The following SAMMSON variants were observed in gnomAD, a reference collection of about 807,000 sequenced individuals.
The protein encoded by SAMMSON is survival associated mitochondrial melanoma specific oncogenic non-coding RNA, also known as long intergenic non-protein coding RNA 1212.
chr3:70,155,825 T>C (rs2067590040), intron 4 of SAMMSON, among the ~76,000 whole-genome samples: 1 of 152,090 alleles, frequency 6.6e-6, no homozygotes, highest in African/African-American at 2.4e-5. Flanking sequence ...AGAGAGAGCT[T>C]ATTGAGAAAT....
chr3:70,334,480 G>A (rs1273852548), intron 7 of SAMMSON, among the ~76,000 whole-genome samples: 3 of 151,692 alleles, frequency 2.0e-5, no homozygotes, highest in South Asian at 2.1e-4. Context: ...TCACTAGTAG[G>A]GATTTAAATG....
chr3:70,296,700 C>T (rs752526432), intron 7 of SAMMSON, among the ~76,000 whole-genome samples: 5 of 152,058 alleles, frequency 3.3e-5, no homozygotes, highest in Non-Finnish European at 7.4e-5. Context: ...TCAACAAGTT[C>T]TTAAAACTTC....
intron 4 of SAMMSON, among the ~76,000 whole-genome samples, chr3:70,246,200 C>A (rs934022484): frequency 6.6e-6 from 1 of 151,982 alleles, no homozygotes; most frequent in East Asian, 1.9e-4. Flanking sequence ...TGGAATAGTA[C>A]ATCACCATTT....
At chr3:70,341,011 C>A (rs190147713) in intron 7 of SAMMSON, among the ~76,000 whole-genome samples, 6 of 152,254 alleles carry the variant, frequency 3.9e-5, no homozygotes, top group Middle Eastern at 3.4e-3. Flanking sequence ...ACACCTGTCT[C>A]TCAGGGTGGC....
At chr3:70,222,394 T>G (rs1023418181) in intron 4 of SAMMSON, among the ~76,000 whole-genome samples, 2 of 152,218 alleles carry the variant, frequency 1.3e-5, no homozygotes, top group African/African-American at 4.8e-5. Flanking sequence ...AAATGAGTTA[T>G]AGAAAACTAT....
chr3:70,317,947 T>G (rs2106715092), intron 7 of SAMMSON, among the ~76,000 whole-genome samples: 1 of 152,008 alleles, frequency 6.6e-6, no homozygotes, highest in East Asian at 1.9e-4. Flanking sequence ...AGGTTTTTTT[T>G]GTTCTCTCTC....
chr3:70,139,858 C>T (rs2067520892), intron 4 of SAMMSON, among the ~76,000 whole-genome samples: 1 of 152,150 alleles, frequency 6.6e-6, no homozygotes, highest in Non-Finnish European at 1.5e-5. Context: ...TGACTAATCT[C>T]CCCATTGTCC....
intron 9 of SAMMSON, among the ~76,000 whole-genome samples, chr3:70,373,601 G>A (rs1252993583): frequency 1.3e-4 from 20 of 152,122 alleles, no homozygotes; most frequent in Non-Finnish European, 2.9e-5. Context: ...TAACACAGAA[G>A]TTAGATTTCT....
intron 2 of SAMMSON, among the ~76,000 whole-genome samples, chr3:70,426,476 C>A (rs568800663): frequency 2.0e-4 from 30 of 152,230 alleles, no homozygotes; most frequent in African/African-American, 7.2e-4. Flanking sequence ...CAAGGATTCC[C>A]GGGTTGAGGA....
At chr3:70,111,288 G>A (rs191856150) in intron 4 of SAMMSON, among the ~76,000 whole-genome samples, 265 of 152,214 alleles carry the variant, frequency 1.7e-3, no homozygotes, top group South Asian at 2.9e-3. Flanking sequence ...AAACCAATTC[G>A]TTGTTGGGTT....
intron 4 of SAMMSON, among the ~76,000 whole-genome samples, chr3:70,129,719 C>T (rs2067474192): frequency 6.6e-6 from 1 of 152,130 alleles, no homozygotes; most frequent in Non-Finnish European, 1.5e-5. Flanking sequence ...ATTGTATTTT[C>T]CATAATGAAT....
intron 3 of SAMMSON, among the ~76,000 whole-genome samples, chr3:70,059,704 A>G (rs1022435660): frequency 2.0e-5 from 3 of 152,108 alleles, no homozygotes; most frequent in African/African-American, 4.8e-5. Context: ...TCACAGACAC[A>G]CCAGAAATAA....
chr3:70,316,720 T>G (rs939615582), intron 7 of SAMMSON, among the ~76,000 whole-genome samples: 1 of 152,038 alleles, frequency 6.6e-6, no homozygotes, highest in Non-Finnish European at 1.5e-5. Context: ...ATTTGTAACA[T>G]AGGTTCTCCC....
At chr3:70,393,551 C>T (rs1290400887), downstream of SAMMSON, among the ~76,000 whole-genome samples, 2 of 151,906 alleles carry the variant, frequency 1.3e-5, no homozygotes, top group Admixed American at 6.6e-5. Context: ...GAGGAGGAGA[C>T]AAATGAATAA....
chr3:70,130,601 T>G (rs976412983), intron 4 of SAMMSON, among the ~76,000 whole-genome samples: 1 of 152,092 alleles, frequency 6.6e-6, no homozygotes, highest in Non-Finnish European at 1.5e-5. Flanking sequence ...TCAAAGGTGA[T>G]GTGGCTTCTG....
intron 4 of SAMMSON, among the ~76,000 whole-genome samples, chr3:70,245,101 T>C (rs1444581495): frequency 6.6e-6 from 1 of 152,196 alleles, no homozygotes; most frequent in African/African-American, 2.4e-5. Flanking sequence ...ACTAGAAACC[T>C]AAGCTCATTT....
intron 4 of SAMMSON, among the ~76,000 whole-genome samples, chr3:70,202,644 G>A (rs990340413): frequency 6.6e-6 from 1 of 152,078 alleles, no homozygotes; most frequent in Non-Finnish European, 1.5e-5. Context: ...AGACCTGCAG[G>A]CTGCACAGTC....
intron 3 of SAMMSON, among the ~76,000 whole-genome samples, chr3:70,054,826 A>G (rs751479514): frequency 6.6e-6 from 1 of 152,082 alleles, no homozygotes; most frequent in Non-Finnish European, 1.5e-5. Context: ...ATCCCTGCTC[A>G]ATGTTGCTAT....
intron 1 of SAMMSON, among the ~76,000 whole-genome samples, chr3:70,005,976 T>C (rs2107574904): frequency 6.6e-6 from 1 of 152,310 alleles, no homozygotes; most frequent in South Asian, 2.1e-4. Context: ...TTTTAGTTTT[T>C]CTTTTGCCTC....
Sources: allele counts gnomAD v4.1 joint callset (sites outside exome capture counted in the v4.1 genomes callset), GRCh38; gene constraint gnomAD v4.1.1; transcripts MANE v1.5; gene names NCBI Gene and HGNC (gene_info 2026-07-23, HGNC 2026-07-21).